Variants in PDLIM5 observed in about 807,000 individuals in gnomAD.
PDLIM5 encodes the protein PDZ and LIM domain protein 5.
A neutral mutation model predicts 64.2 loss-of-function variants in PDLIM5; 34 were observed. That is an observed-to-expected ratio of 0.53 (90% confidence interval 0.40 to 0.71). The LOEUF is 0.71. PDLIM5 is among the 30% of genes least tolerant of loss of function. The pLI, the probability that PDLIM5 is intolerant of heterozygous loss-of-function variation, is 0.00. For missense variants in PDLIM5, 683 were observed against 733.6 expected (o/e 0.93, Z 0.80); for synonymous variants, 253 against 269.1 (o/e 0.94, Z 0.59).
At chr4:94,555,855 G>A (rs2510771) in intron 3 of PDLIM5, among the ~76,000 whole-genome samples, 120,570 of 151,346 alleles carry the variant, frequency 0.8, 48,419 homozygotes, top group East Asian at 0.93. Flanking sequence ...ACTAATTTAG[G>A]GAAGTTAATT....
intron 3 of PDLIM5, among the ~76,000 whole-genome samples, chr4:94,569,313 CTTCGTTTGTTTGTTTG>C (rs1734602640): frequency 7.0e-6 from 1 of 142,876 alleles, no homozygotes; most frequent in East Asian, 2.0e-4. Flanking sequence ...CATTTTACCC[CTTCGTTTGTTTGTTTG>C]TTCGTTTGTT....
At chr4:94,578,310 G>C (rs1010456105) in intron 5 of PDLIM5, among the ~76,000 whole-genome samples, 3 of 152,140 alleles carry the variant, frequency 2.0e-5, no homozygotes, top group Non-Finnish European at 4.4e-5. Flanking sequence ...GTATTATAGA[G>C]CCTTTATGAT....
In PDLIM5 at chr4:94,503,675, C is replaced by T. The variant is rs542837855; in HGVS notation, c.97-20049C>T. 2.6e-5 allele frequency among the ~76,000 whole-genome samples: 4 copies of T among 152,286 alleles called. No homozygotes were observed. The East Asian group carries it at 5.8e-4, about 22-fold the overall frequency. On this transcript the variant is annotated intron_variant, in intron 2 of 12. Transcript: ENST00000317968. ...TGATGATTGTCCTATTTTAAAAAAC[C>T]CAAACATCTGATTTATTTTCCAACG... is the stretch of plus-strand genomic sequence containing the variant.
rs747505801 is a variant in PDLIM5 at position 94,654,518 on chromosome 4, C to T, written c.1342C>T (p.His448Tyr). Residue 448 changes from histidine to tyrosine, a missense_variant, in exon 10 of 13, where the codon CAC becomes TAC. Coordinates refer to ENST00000317968, the MANE Select transcript of PDLIM5 (RefSeq NM_006457.5). ...GCACCCAGAAGAATTCAACTGCGCT[C>T]ACTGCAAAAATACAATGGCCTACAT... is the stretch of plus-strand genomic sequence containing the variant. ...SWHPEEFNCA[H>Y]CKNTMAYIGF... 23 of 1,611,912 alleles carry T rather than the reference C, an allele frequency of 1.4e-5. No individual in the cohort carries two copies. Among genetic ancestry groups the T allele is most frequent in the Admixed American group, 6.7e-5 (4 of 59,988 alleles).
chr4:94,640,485 T>C (rs556456509), intron 9 of PDLIM5, 35 bp downstream of exon 9: 11 of 1,330,208 alleles, frequency 8.3e-6, no homozygotes, highest in East Asian at 7.2e-5. Context: ...TGAAAGTACT[T>C]AATATCAATG....
intron 8 of PDLIM5, among the ~76,000 whole-genome samples, chr4:94,637,995 C>G (rs1740702933): frequency 6.6e-6 from 1 of 152,020 alleles, no homozygotes; most frequent in South Asian, 2.1e-4. Flanking sequence ...GGGGACTAAC[C>G]CTTGGGGACA....
rs1056772 is a variant in PDLIM5, at chr4:94,664,074, A to G, written c.*7A>G. 0.22 allele frequency: 341,842 copies of G among 1,585,194 alleles called. 39,353 individuals carry two copies. The highest frequency in any genetic ancestry group is 0.31 in the African/African-American group (23,168 of 74,320). On this transcript the variant is annotated 3_prime_UTR_variant, in exon 13 of 13. Transcript: ENST00000317968. Reference sequence around the variant, plus strand: ...TCATTCTGTGAATTTTTGAAAGTCAACAGTTCAGGAGAAGAGAAGGAATTT... The same window carrying G: ...TCATTCTGTGAATTTTTGAAAGTCAGCAGTTCAGGAGAAGAGAAGGAATTT...
chr4:94,564,656 C>CTTTTTTTTTTTT lies in PDLIM5; in HGVS notation c.249-8687_249-8676dup, dbSNP rs768721210. Among the ~76,000 whole-genome samples the CTTTTTTTTTTTT allele has an allele frequency of 3.4e-3, 354 of 104,466 alleles. 22 individuals are homozygous for CTTTTTTTTTTTT. The highest frequency in any genetic ancestry group is 5.6e-3 in the Middle Eastern group (1 of 178). The allele number at this position is 104,466 out of a possible 152,430, so 68.5% of individuals were successfully genotyped here. Reference sequence around the variant, plus strand: ...CACCTTCAAAGGAGGAATTTTGTCTCTTTTTTTTTTTTTTTTTTTGACAGA... The same window carrying CTTTTTTTTTTTT: ...CACCTTCAAAGGAGGAATTTTGTCTCTTTTTTTTTTTTTTTTTTTTTTTTTTTTTTTGACAGA... On this transcript the variant is annotated intron_variant, in intron 3 of 12. Coordinates refer to ENST00000317968, the MANE Select transcript of PDLIM5 (RefSeq NM_006457.5).
chr4:94,461,191 GAA>G (rs1723848594), intron 2 of PDLIM5, among the ~76,000 whole-genome samples: 1 of 152,188 alleles, frequency 6.6e-6, no homozygotes, highest in Non-Finnish European at 1.5e-5. Flanking sequence ...GTATGAGAGA[GAA>G]TTATGTTTCA....
chr4:94,660,284 T>C (rs1184902330), intron 11 of PDLIM5, among the ~76,000 whole-genome samples: 2 of 152,176 alleles, frequency 1.3e-5, no homozygotes, highest in Non-Finnish European at 2.9e-5. Flanking sequence ...AAGCAGCCCT[T>C]TGGCATTTTT....
intron 3 of PDLIM5, among the ~76,000 whole-genome samples, chr4:94,525,518 G>T (rs372234151): frequency 6.6e-6 from 1 of 152,172 alleles, no homozygotes; most frequent in East Asian, 1.9e-4. Context: ...CCTCTCCTAG[G>T]AGTCGTGTTT....
In PDLIM5 at chr4:94,662,480, TG is replaced by T; in HGVS notation, c.1645del (p.Asp549ThrfsTer46). On this transcript the variant is annotated frameshift_variant, in exon 12 of 13. Transcript: ENST00000317968. LOFTEE classifies it high-confidence loss of function. Reference sequence around the variant, plus strand: ...GATGTGAATTTCCCATAGAAGCTGGTGACATGTTCCTGGAAGCTCTGGGCTA... The same window carrying T: ...GATGTGAATTTCCCATAGAAGCTGGTACATGTTCCTGGAAGCTCTGGGCTA... Reference protein sequence around the residue: ...HGCEFPIEAGDMFLEALGYTW... With the variant: ...HGCEFPIEAGXMFLEALGYTW... 6.2e-7 allele frequency: 1 copy of T among 1,609,014 alleles called. No homozygotes were observed. Among genetic ancestry groups the T allele is most frequent in the East Asian group, 2.2e-5 (1 of 44,824 alleles).
chr4:94,507,689 G>C (rs1728509386), intron 2 of PDLIM5, among the ~76,000 whole-genome samples: 2 of 152,146 alleles, frequency 1.3e-5, no homozygotes, highest in Non-Finnish European at 2.9e-5. Context: ...ATGGATTCTA[G>C]ATTTACCTGC....
chr4:94,473,640 T>G (rs1725074856), intron 2 of PDLIM5, among the ~76,000 whole-genome samples: 1 of 152,222 alleles, frequency 6.6e-6, no homozygotes, highest in South Asian at 2.1e-4. Flanking sequence ...ACAGAAGCTC[T>G]TTTTCCTTGG....
At chr4:94,498,089 C>T (rs1237027147) in intron 2 of PDLIM5, among the ~76,000 whole-genome samples, 1 of 152,132 alleles carries the variant, frequency 6.6e-6, no homozygotes, top group African/African-American at 2.4e-5. Flanking sequence ...TGAGGATTGA[C>T]CTGGGCTTTC....
intron 2 of PDLIM5, 76 bp from the exon 3 acceptor site, chr4:94,523,648 C>A: frequency 8.6e-7 from 1 of 1,163,742 alleles, no homozygotes; most frequent in Non-Finnish European, 1.2e-6. Flanking sequence ...TTGGTATAAG[C>A]AAAAGTATAA....
chr4:94,501,354 T>C (rs1264491624), intron 2 of PDLIM5, among the ~76,000 whole-genome samples: 2 of 152,162 alleles, frequency 1.3e-5, no homozygotes, highest in Non-Finnish European at 2.9e-5. Flanking sequence ...AAAGTGCTGG[T>C]ATCACAGGCG....
chr4:94,598,866 T>C (rs944191083), intron 7 of PDLIM5, among the ~76,000 whole-genome samples: 3 of 151,210 alleles, frequency 2.0e-5, no homozygotes, highest in Admixed American at 2.0e-4. Context: ...CCTGAAAGAG[T>C]CAGTCATGAG....
At chr4:94,588,288 G>A (rs931498503) in intron 7 of PDLIM5, 1 of 513,166 alleles carries the variant, frequency 1.9e-6, no homozygotes, top group East Asian at 1.5e-4. Flanking sequence ...GGCAGGCCAG[G>A]TGCGGTGGCT....
Sources: gnomAD v4.1 joint callset for allele counts (sites outside exome capture counted in the v4.1 genomes callset) on GRCh38, gnomAD v4.1.1 for gene constraint, MANE v1.5 for transcripts, NCBI Gene and HGNC (gene_info 2026-07-23, HGNC 2026-07-21) for gene names.